TANK: variants seen among roughly 807,000 people sequenced by gnomAD.
TANK encodes TRAF family member-associated NF-kappa-B activator.
TANK carries 15 observed loss-of-function variants against 43.6 expected under a neutral mutation model. The observed-to-expected ratio is 0.34, with a 90% CI of 0.23 to 0.53. The LOEUF (loss-of-function observed/expected upper bound fraction) is 0.53, where lower values mean the gene tolerates loss of function less well. Ranked by LOEUF, TANK falls within the 20% of genes least tolerant of loss-of-function variation. The pLI, the probability that TANK is intolerant of heterozygous loss-of-function variation, is 0.94. For synonymous variants in TANK, 162 were observed against 178.2 expected (o/e 0.91, Z 0.73); for missense variants, 417 against 498.6 (o/e 0.84, Z 1.56).
intron 2 of TANK, chr2:161,200,627 A>C: frequency 1.3e-6 from 1 of 788,604 alleles, no homozygotes; most frequent in Non-Finnish European, 1.5e-6. Context: ...AGAATCTTCA[A>C]ACATTACCTA....
intron 1 of TANK, among the ~76,000 whole-genome samples, chr2:161,167,313 T>TA (rs1292691907): frequency 1.3e-5 from 2 of 152,136 alleles, no homozygotes; most frequent in Non-Finnish European, 2.9e-5. Flanking sequence ...AACAGGCAGT[T>TA]AGAGGTGGAA....
intron 1 of TANK, among the ~76,000 whole-genome samples, chr2:161,173,646 T>C (rs563573500): frequency 2.0e-5 from 3 of 152,028 alleles, no homozygotes; most frequent in Admixed American, 1.3e-4. Flanking sequence ...CTTTTTTTTT[T>C]AAACATTTAT....
chr2:161,212,780 G>C (rs1686948915), intron 4 of TANK: 3 of 985,206 alleles, frequency 3.0e-6, no homozygotes, highest in Non-Finnish European at 3.6e-6. Flanking sequence ...GGAATGAAAG[G>C]CTGTTCTCTA....
chr2:161,146,422 GT>G (rs1390394476), intron 1 of TANK, among the ~76,000 whole-genome samples: 3 of 152,132 alleles, frequency 2.0e-5, no homozygotes, highest in Non-Finnish European at 2.9e-5. Context: ...GGTTTTCAGA[GT>G]TTTTTTGTTC....
upstream of TANK, among the ~76,000 whole-genome samples, chr2:161,157,514 C>T (rs1248970525): frequency 2.0e-5 from 3 of 152,120 alleles, no homozygotes; most frequent in East Asian, 1.9e-4. Context: ...CAGATGTCAT[C>T]GTAAATCAGA....
At chr2:161,190,772 A>G (rs774630475) in intron 2 of TANK, among the ~76,000 whole-genome samples, 27 of 152,262 alleles carry the variant, frequency 1.8e-4, no homozygotes, top group Admixed American at 2.6e-4. Flanking sequence ...CAGAAAGTAG[A>G]AGGGTAGTTG....
intron 2 of TANK, among the ~76,000 whole-genome samples, chr2:161,187,944 CTT>C (rs1053739532): frequency 9.9e-5 from 15 of 152,122 alleles, no homozygotes; most frequent in African/African-American, 3.6e-4. Flanking sequence ...AAATAACACT[CTT>C]AAACAACCAG....
chr2:161,157,877 T>C (rs560968209), upstream of TANK, among the ~76,000 whole-genome samples: 1 of 152,274 alleles, frequency 6.6e-6, no homozygotes, highest in Non-Finnish European at 1.5e-5. Context: ...AGAAACGGGT[T>C]TTCACCATGT....
chr2:161,173,515 TTTC>T (rs1054932149), intron 1 of TANK, among the ~76,000 whole-genome samples: 23 of 152,156 alleles, frequency 1.5e-4, no homozygotes, highest in African/African-American at 4.8e-4. Context: ...ACTTAACAGT[TTTC>T]TTCTTCTTTT....
chr2:161,200,596 A>C, intron 2 of TANK: 1 of 940,526 alleles, frequency 1.1e-6, no homozygotes, highest in Non-Finnish European at 1.3e-6. Flanking sequence ...CTAACGGTAT[A>C]AGCTTCCCTT....
At chr2:161,199,107 A>G (rs1225616435) in intron 2 of TANK, among the ~76,000 whole-genome samples, 1 of 152,212 alleles carries the variant, frequency 6.6e-6, no homozygotes, top group Non-Finnish European at 1.5e-5. Context: ...TAGGATAATT[A>G]ATATTTAATT....
At chr2:161,160,355 G>A (rs1039024170), upstream of TANK, 58 of 1,084,810 alleles carry the variant, frequency 5.3e-5, no homozygotes, top group Non-Finnish European at 6.5e-5. Flanking sequence ...TTGGGTGGAG[G>A]TGAAGAGTTA....
At chr2:161,138,819 T>A (rs1396509042) in intron 1 of TANK, among the ~76,000 whole-genome samples, 1 of 152,208 alleles carries the variant, frequency 6.6e-6, no homozygotes, top group African/African-American at 2.4e-5. Flanking sequence ...TCATGAAACT[T>A]ATGCACTAAT....
chr2:161,232,900 T>C, intron 7 of TANK: 2 of 1,498,818 alleles, frequency 1.3e-6, no homozygotes, highest in Non-Finnish European at 9.0e-7. Flanking sequence ...GGCATAAGGT[T>C]AGATAATTGA....
chr2:161,227,809 A>G (rs569402305), intron 6 of TANK, among the ~76,000 whole-genome samples: 1 of 152,234 alleles, frequency 6.6e-6, no homozygotes, highest in African/African-American at 2.4e-5. Context: ...CTACAAAGAC[A>G]GTACTGTTTC....
chr2:161,221,150 A>C (rs554382242), intron 4 of TANK, among the ~76,000 whole-genome samples: 7 of 152,178 alleles, frequency 4.6e-5, no homozygotes, highest in Non-Finnish European at 1.0e-4. Context: ...TGTATATGAA[A>C]AGTATGATGT....
At chr2:161,184,646 G>T (rs1328548880) in intron 2 of TANK, among the ~76,000 whole-genome samples, 1 of 152,156 alleles carries the variant, frequency 6.6e-6, no homozygotes, top group East Asian at 1.9e-4. Flanking sequence ...GTGCCTGAAT[G>T]CAGGCCACAT....
chr2:161,166,956 G>A (rs1318668761), intron 1 of TANK, among the ~76,000 whole-genome samples: 3 of 152,148 alleles, frequency 2.0e-5, no homozygotes, highest in Non-Finnish European at 2.9e-5. Flanking sequence ...CTTTTCTAGG[G>A]CAAAGTGGAA....
upstream of TANK, chr2:161,160,090 A>T (rs1472413339): frequency 4.1e-6 from 1 of 241,702 alleles, no homozygotes; most frequent in Non-Finnish European, 7.9e-6. Flanking sequence ...ACTCTAACTC[A>T]TATATAGGGT....
Sources: allele counts gnomAD v4.1 joint callset (sites outside exome capture counted in the v4.1 genomes callset), GRCh38; gene constraint gnomAD v4.1.1; transcripts MANE v1.5; gene names NCBI Gene and HGNC (gene_info 2026-07-23, HGNC 2026-07-21).